RALGPS1: variants seen among roughly 807,000 people sequenced by gnomAD.
The protein encoded by RALGPS1 is Ral GEF with PH domain and SH3 binding motif 1.
Under a neutral mutation model 78.8 loss-of-function variants are expected in RALGPS1, and 19 were observed. The ratio of observed to expected loss-of-function variants is 0.24; its 90% CI spans 0.17 to 0.35. The LOEUF is 0.35. Among genes scored for constraint, RALGPS1 ranks in the 10% least tolerant of loss-of-function variants. The pLI is 1.00. For synonymous variants in RALGPS1, 228 were observed against 256.3 expected (o/e 0.89, Z 1.06); for missense variants, 454 against 688.3 (o/e 0.66, Z 3.81).
In RALGPS1 at chr9:127,050,167, C is replaced by T. The variant is rs963721645; in HGVS notation, c.390+35C>T. 22 of 1,501,704 alleles carry T rather than the reference C, an allele frequency of 1.5e-5. 1 individual carries two copies. The highest frequency in any genetic ancestry group is 4.6e-6 in the Non-Finnish European group (5 of 1,078,372). 93.0% of individuals were successfully genotyped at this position (1,501,704 alleles called of 1,614,324 possible). On this transcript the variant is annotated intron_variant, in intron 6 of 18. Coordinates refer to ENST00000259351, the MANE Select transcript of RALGPS1 (RefSeq NM_014636.3). The stretch of plus-strand genomic sequence containing the variant: ...TTATTATTATTTTTCCTTCCTTTCC[C>T]TCTTCTCTCCCACACCTCCTCCCCA...
intron 9 of RALGPS1, among the ~76,000 whole-genome samples, chr9:127,167,450 G>T (rs1817620530): frequency 6.6e-6 from 1 of 152,226 alleles, no homozygotes; most frequent in Non-Finnish European, 1.5e-5. Flanking sequence ...ATGGACTCCG[G>T]TTCCTATTCC....
intron 13 of RALGPS1, among the ~76,000 whole-genome samples, chr9:127,196,961 G>A (rs1026566621): frequency 6.6e-6 from 1 of 152,186 alleles, no homozygotes; most frequent in East Asian, 1.9e-4. Context: ...CTGGACCACA[G>A]TCAGGCTTCT....
intron 5 of RALGPS1, among the ~76,000 whole-genome samples, chr9:127,042,568 A>G (rs748238434): frequency 6.6e-6 from 1 of 152,226 alleles, no homozygotes; most frequent in Non-Finnish European, 1.5e-5. Context: ...CATCATACAT[A>G]ATGGTAAGAC....
intron 5 of RALGPS1, among the ~76,000 whole-genome samples, chr9:127,037,361 G>A (rs2046950225): frequency 6.6e-6 from 1 of 152,186 alleles, no homozygotes; most frequent in African/African-American, 2.4e-5. Flanking sequence ...CTGCTTTAAG[G>A]CCCCTCCTCT....
chr9:127,204,108 T>G (rs2061800406), intron 14 of RALGPS1, among the ~76,000 whole-genome samples: 1 of 152,188 alleles, frequency 6.6e-6, no homozygotes. Context: ...GTGATGAGGC[T>G]AGGCACAGTG....
intron 1 of RALGPS1, among the ~76,000 whole-genome samples, chr9:126,961,845 C>T (rs1312604877): frequency 2.0e-5 from 3 of 152,126 alleles, no homozygotes; most frequent in Admixed American, 6.5e-5. Context: ...AAGGGCCAGG[C>T]ACGCACTGAA....
At chr9:127,178,337 T>TGCA (rs2060005136) in intron 11 of RALGPS1, 1 of 548,468 alleles carries the variant, frequency 1.8e-6, no homozygotes, top group Non-Finnish European at 2.6e-6. Context: ...GGGCAAAAAA[T>TGCA]GCAGCTGAAT....
At chr9:126,988,865 G>A (rs918125653) in intron 4 of RALGPS1, among the ~76,000 whole-genome samples, 13 of 152,166 alleles carry the variant, frequency 8.5e-5, no homozygotes, top group African/African-American at 3.1e-4. Context: ...AGGATGCACA[G>A]AAAGTGGCCC....
chr9:127,065,600 T>C (rs2049619077), intron 7 of RALGPS1, among the ~76,000 whole-genome samples: 1 of 152,120 alleles, frequency 6.6e-6, no homozygotes, highest in Non-Finnish European at 1.5e-5. Context: ...CTAAAATTAT[T>C]TTATGTTTAT....
intron 11 of RALGPS1, chr9:127,177,944 G>A (rs771250468): frequency 8.4e-6 from 13 of 1,548,398 alleles, no homozygotes; most frequent in Non-Finnish European, 1.1e-5. Context: ...CAGCATCAGA[G>A]CCCTGGCAGG....
chr9:126,995,221 A>T (rs1489192831), intron 4 of RALGPS1, among the ~76,000 whole-genome samples: 1 of 152,230 alleles, frequency 6.6e-6, no homozygotes, highest in Non-Finnish European at 1.5e-5. Context: ...CTCCAATTAA[A>T]AGACACAGAC....
At chr9:127,136,146 C>T (rs2057376949) in intron 8 of RALGPS1, among the ~76,000 whole-genome samples, 1 of 152,210 alleles carries the variant, frequency 6.6e-6, no homozygotes, top group Non-Finnish European at 1.5e-5. Context: ...GGTCTGGCCA[C>T]CTGAACCTCC....
intron 8 of RALGPS1, among the ~76,000 whole-genome samples, chr9:127,129,445 G>A (rs189654422): frequency 9.2e-5 from 14 of 152,296 alleles, no homozygotes. Flanking sequence ...AGTCAGTGGG[G>A]GGGGATTCCA....
At chr9:127,062,082 G>A (rs1205200262) in intron 7 of RALGPS1, among the ~76,000 whole-genome samples, 1 of 152,188 alleles carries the variant, frequency 6.6e-6, no homozygotes, top group Non-Finnish European at 1.5e-5. Flanking sequence ...GTGTGTAACT[G>A]TTTAAGGATT....
chr9:127,148,867 C>T (rs1240148974), intron 8 of RALGPS1, among the ~76,000 whole-genome samples: 3 of 152,168 alleles, frequency 2.0e-5, no homozygotes, highest in Non-Finnish European at 4.4e-5. Flanking sequence ...GTGGGGATGG[C>T]GGAGGGAGAA....
chr9:126,988,751 G>A (rs2133121823), intron 4 of RALGPS1, among the ~76,000 whole-genome samples: 2 of 152,342 alleles, frequency 1.3e-5, no homozygotes, highest in South Asian at 4.1e-4. Flanking sequence ...TACTGGTTGT[G>A]AGGCTGCTGC....
rs2140916256 is a variant in RALGPS1 at position 127,205,887 on chromosome 9, G to T, written c.1248-6244G>T. On this transcript the variant is annotated intron_variant, in intron 14 of 18. Transcript: ENST00000259351. This position sits in a 1 kb window ranked among gnomAD's most constrained non-coding sequence, Gnocchi z 4.0. ...ATACCTGGCTTGGATCACTGGTGTT[G>T]CCCTGTCCACTTAGCTGTCAGAAGG... 6.6e-6 allele frequency among the ~76,000 whole-genome samples: 1 copy of T among 152,334 alleles called. No individual in the cohort carries two copies. The highest frequency in any genetic ancestry group is 2.1e-4 in the South Asian group (1 of 4,824).
At chr9:127,093,784 C>A in intron 8 of RALGPS1, 1 of 1,614,108 alleles carries the variant, frequency 6.2e-7, no homozygotes, top group Non-Finnish European at 8.5e-7. Context: ...CCAGGCGTCT[C>A]TGGATGACGG....
At chr9:127,058,906 C>T (rs572216417) in intron 7 of RALGPS1, among the ~76,000 whole-genome samples, 42 of 152,300 alleles carry the variant, frequency 2.8e-4, no homozygotes, top group Admixed American at 6.5e-4. Flanking sequence ...TTTGCAGCAG[C>T]ATTGTGAAAA....
Sources: allele counts gnomAD v4.1 joint callset (sites outside exome capture counted in the v4.1 genomes callset), GRCh38; gene constraint gnomAD v4.1.1; non-coding constraint Gnocchi (gnomAD v3.1); transcripts MANE v1.5; gene names NCBI Gene and HGNC (gene_info 2026-07-23, HGNC 2026-07-21).